Variants in ASIC2 observed in about 807,000 individuals in gnomAD.
ASIC2 encodes acid sensing ion channel subunit 2, also known as acid-sensing ion channel 2.
In ASIC2, 25 loss-of-function variants were observed where a neutral mutation model predicts 57.3. The observed-to-expected ratio is 0.44, with a 90% CI of 0.32 to 0.61. ASIC2 has a LOEUF of 0.61. ASIC2 is among the 20% of genes least tolerant of loss of function. The pLI is 0.06. For missense variants in ASIC2, 641 were observed against 738.1 expected, an observed-to-expected ratio of 0.87 and a Z score of 1.52; for synonymous variants, 319 against 307.5, an observed-to-expected ratio of 1.04 and a Z score of -0.39.
At chr17:33,657,672 C>T (rs1907117366) in intron 1 of ASIC2, among the ~76,000 whole-genome samples, 3 of 150,922 alleles carry the variant, frequency 2.0e-5, no homozygotes, top group Admixed American at 2.0e-4. Flanking sequence ...ACTTCTGGGC[C>T]AGCTCCCCCG....
At chr17:33,595,300 ATGCCACAGCTGGGACGTCAGAGGGT>A (rs1904947585) in intron 1 of ASIC2, among the ~76,000 whole-genome samples, 1 of 152,240 alleles carries the variant, frequency 6.6e-6, no homozygotes, top group Non-Finnish European at 1.5e-5. Flanking sequence ...TCTTCCAGCT[ATGCCACAGCTGGGACGTCAGAGGGT>A]TATTAGGTCT....
At chr17:33,727,408 A>C (rs1909597115) in intron 1 of ASIC2, among the ~76,000 whole-genome samples, 1 of 152,172 alleles carries the variant, frequency 6.6e-6, no homozygotes, top group African/African-American at 2.4e-5. Flanking sequence ...TAAAGTGTTC[A>C]ATTTGCAGGG....
intron 1 of ASIC2, among the ~76,000 whole-genome samples, chr17:33,989,279 A>G (rs1280897914): frequency 6.6e-6 from 1 of 152,084 alleles, no homozygotes; most frequent in African/African-American, 2.4e-5. Context: ...TCAATTAAGC[A>G]TCCAAAGACT....
intron 1 of ASIC2, among the ~76,000 whole-genome samples, chr17:33,559,957 C>T (rs896020100): frequency 1.3e-5 from 2 of 152,178 alleles, no homozygotes; most frequent in African/African-American, 4.8e-5. Context: ...GGTGAAATTC[C>T]AACTCAGGAT....
rs12953004 is a variant in ASIC2, at chr17:33,972,645, G to C, written c.555+183333C>G. Among the ~76,000 whole-genome samples the C allele has an allele frequency of 7.4e-3, 1,128 of 152,332 alleles. 22 individuals are homozygous for C. The highest frequency in any genetic ancestry group is 0.026 in the African/African-American group (1,071 of 41,576). On this transcript the variant is annotated intron_variant, in intron 1 of 9. Coordinates refer to the ASIC2 transcript ENST00000359872. Reference sequence around the variant, plus strand: ...ACTCCCTCAAGCTAAGGTGTGAAAAGCTCAATTAGTTGTCTGTGATCACAC... The same window carrying C: ...ACTCCCTCAAGCTAAGGTGTGAAAACCTCAATTAGTTGTCTGTGATCACAC...
intron 1 of ASIC2, among the ~76,000 whole-genome samples, chr17:33,452,912 C>T (rs918852096): frequency 1.3e-5 from 2 of 152,186 alleles, no homozygotes; most frequent in South Asian, 2.1e-4. Flanking sequence ...GAAGCTCCTC[C>T]GAATCAAACT....
At chr17:33,723,140 G>GA (rs1443846860) in intron 1 of ASIC2, among the ~76,000 whole-genome samples, 3 of 151,950 alleles carry the variant, frequency 2.0e-5, no homozygotes, top group African/African-American at 7.3e-5. Flanking sequence ...GCCATCAACA[G>GA]AAAAATACAT....
At chr17:33,060,817 T>A (rs1201160035) in intron 3 of ASIC2, among the ~76,000 whole-genome samples, 2 of 152,200 alleles carry the variant, frequency 1.3e-5, no homozygotes, top group Non-Finnish European at 2.9e-5. Context: ...TCCATTTGTT[T>A]TTGTCCTCTT....
intron 1 of ASIC2, among the ~76,000 whole-genome samples, chr17:33,263,091 AG>A (rs1310704661): frequency 1.3e-5 from 2 of 152,204 alleles, no homozygotes; most frequent in Non-Finnish European, 2.9e-5. Context: ...CCCTGAGGGA[AG>A]GGCATCTGTT....
chr17:33,916,760 AC>A (rs1475300070), intron 1 of ASIC2, among the ~76,000 whole-genome samples: 1 of 152,202 alleles, frequency 6.6e-6, no homozygotes, highest in African/African-American at 2.4e-5. Flanking sequence ...AAGAGATGCC[AC>A]TAGCAGAGGA....
chr17:33,474,692 C>T (rs371373564), intron 1 of ASIC2, among the ~76,000 whole-genome samples: 1 of 152,144 alleles, frequency 6.6e-6, no homozygotes, highest in East Asian at 1.9e-4. Flanking sequence ...TCTGGCCTGA[C>T]CAGAAGCTCA....
chr17:33,849,130 C>T (rs560722200), intron 1 of ASIC2, among the ~76,000 whole-genome samples: 1 of 152,276 alleles, frequency 6.6e-6, no homozygotes, highest in East Asian at 1.9e-4. Flanking sequence ...AATAAATGTG[C>T]TCATTAATTA....
intron 1 of ASIC2, among the ~76,000 whole-genome samples, chr17:33,453,195 C>CTGTGTTT (rs754703208): frequency 7.3e-4 from 111 of 151,186 alleles, no homozygotes; most frequent in Non-Finnish European, 1.2e-3. Context: ...TAGAGAAAGC[C>CTGTGTTT]TGTGTTTTTG....
upstream of ASIC2, among the ~76,000 whole-genome samples, chr17:33,295,673 C>A (rs1905693634): frequency 1.3e-5 from 2 of 152,124 alleles, no homozygotes; most frequent in African/African-American, 4.8e-5. Flanking sequence ...TATTTGTATC[C>A]CTACCTCTTA....
In ASIC2 at chr17:33,436,959, A is replaced by AGGTTCAT. The variant is rs564249436; in HGVS notation, c.556-324899_556-324893dup. Among the ~76,000 whole-genome samples, 40 of 131,562 alleles carry AGGTTCAT rather than the reference A, an allele frequency of 3.0e-4. No homozygotes were observed. In the East Asian group the frequency reaches 9.3e-3, roughly 31 times the overall value. 86.3% of individuals were successfully genotyped at this position (131,562 alleles called of 152,430 possible). Reference sequence around the variant, plus strand: ...CGGCTCACTGCAAGCTCCGCCTCCCAGGTTCATGCCATTCTCCTGCCTCAG... The same window carrying AGGTTCAT: ...CGGCTCACTGCAAGCTCCGCCTCCCAGGTTCATGGTTCATGCCATTCTCCTGCCTCAG... On this transcript the variant is annotated intron_variant, in intron 1 of 9. Coordinates refer to the ASIC2 transcript ENST00000359872.
At chr17:34,154,810 A>G (rs1904651499) in intron 1 of ASIC2, among the ~76,000 whole-genome samples, 1 of 152,144 alleles carries the variant, frequency 6.6e-6, no homozygotes, top group South Asian at 2.1e-4. Flanking sequence ...AAAGCTCTCA[A>G]TCCTCCCTAA....
chr17:33,141,639 T>C (rs1416142562), intron 1 of ASIC2, among the ~76,000 whole-genome samples: 1 of 152,182 alleles, frequency 6.6e-6, no homozygotes, highest in Non-Finnish European at 1.5e-5. Context: ...AAGAGCTGAT[T>C]CCAGGGTGAG....
intron 3 of ASIC2, among the ~76,000 whole-genome samples, chr17:33,029,686 A>C (rs1193154145): frequency 6.6e-6 from 1 of 152,270 alleles, no homozygotes; most frequent in Non-Finnish European, 1.5e-5. Flanking sequence ...AGGTATAGGC[A>C]CAACTTTATA....
intron 1 of ASIC2, among the ~76,000 whole-genome samples, chr17:34,048,715 G>C (rs1908428495): frequency 6.6e-6 from 1 of 152,136 alleles, no homozygotes; most frequent in Non-Finnish European, 1.5e-5. Context: ...GAATTGTGTA[G>C]GTTACAAGAG....
Sources: gnomAD v4.1 joint callset for allele counts (sites outside exome capture counted in the v4.1 genomes callset) on GRCh38, gnomAD v4.1.1 for gene constraint, MANE v1.5 for transcripts, NCBI Gene and HGNC (gene_info 2026-07-23, HGNC 2026-07-21) for gene names.